DSCAM: variants seen among roughly 807,000 people sequenced by gnomAD.
DSCAM encodes the protein cell adhesion molecule DSCAM.
A neutral mutation model predicts 217.7 loss-of-function variants in DSCAM; 47 were observed. The observed-to-expected ratio is 0.22, with a 90% confidence interval of 0.17 to 0.28. The LOEUF (loss-of-function observed/expected upper bound fraction) is 0.28. DSCAM is among the 10% of genes least tolerant of loss of function. The pLI, the probability that DSCAM is intolerant of heterozygous loss-of-function variation, is 1.00. For synonymous variants in DSCAM, 1,056 were observed against 1,015.3 expected (o/e 1.04, Z -0.76); for missense variants, 2,080 against 2,618.3 (o/e 0.79, Z 4.49).
At chr21:40,237,718 G>T (rs1177217441) in intron 11 of DSCAM, among the ~76,000 whole-genome samples, 1 of 152,114 alleles carries the variant, frequency 6.6e-6, no homozygotes, top group Non-Finnish European at 1.5e-5. Flanking sequence ...ATAATCCTTT[G>T]GGTATGTACC....
chr21:40,689,685 T>C (rs1373143931), intron 3 of DSCAM, among the ~76,000 whole-genome samples: 2 of 152,174 alleles, frequency 1.3e-5, no homozygotes, highest in African/African-American at 4.8e-5. Context: ...CCCAGCCAGA[T>C]CCCAGCAGGC....
intron 5 of DSCAM, among the ~76,000 whole-genome samples, chr21:40,349,136 C>CAGAAAAAAAAAAAAAAAAAAAA (rs2074600355): frequency 2.6e-5 from 1 of 38,720 alleles, no homozygotes; most frequent in Non-Finnish European, 4.8e-5. Flanking sequence ...GACTCCATCT[C>CAGAAAAAAAAAAAAAAAAAAAA]AAAAAAAAAA....
At chr21:40,689,501 T>A (rs1004162109) in intron 3 of DSCAM, among the ~76,000 whole-genome samples, 1 of 152,246 alleles carries the variant, frequency 6.6e-6, no homozygotes, top group Non-Finnish European at 1.5e-5. Flanking sequence ...CTCTCAGCTA[T>A]CCTAGGTCAA....
intron 32 of DSCAM, among the ~76,000 whole-genome samples, chr21:40,025,813 A>C (rs920614627): frequency 1.3e-5 from 2 of 150,664 alleles, no homozygotes; most frequent in African/African-American, 4.9e-5. Flanking sequence ...TGATCCTTTC[A>C]AAAAACCAGC....
At position 40,321,589 on chromosome 21, in the gene DSCAM, C is replaced by T. The variant is rs146983849; in HGVS notation, c.1784-9230G>A. Among the ~76,000 whole-genome samples the T allele has an allele frequency of 2.4e-3, 358 of 148,974 alleles. 2 individuals carry two copies. Among genetic ancestry groups the T allele is most frequent in the South Asian group, 0.015 (72 of 4,682 alleles). ...TACTATCACCTTTTTAATTACAACTCTTTCAATTGTGTCCTAACTGGTCAT... is the reference window on the plus strand; with the variant it reads ...TACTATCACCTTTTTAATTACAACTTTTTCAATTGTGTCCTAACTGGTCAT... On this transcript the variant is annotated intron_variant, in intron 8 of 32. Transcript: ENST00000400454.
At chr21:40,315,722 G>T (rs1445105881) in intron 8 of DSCAM, among the ~76,000 whole-genome samples, 1 of 152,172 alleles carries the variant, frequency 6.6e-6, no homozygotes, top group East Asian at 1.9e-4. Context: ...AAAAACCAGT[G>T]TCAGAAAGCT....
intron 3 of DSCAM, among the ~76,000 whole-genome samples, chr21:40,407,988 C>T (rs1226542645): frequency 6.6e-6 from 1 of 152,142 alleles, no homozygotes; most frequent in Non-Finnish European, 1.5e-5. Flanking sequence ...AGGAACTTAG[C>T]TCTTTATAAG....
chr21:40,633,947 G>T (rs2089723789), intron 3 of DSCAM, among the ~76,000 whole-genome samples: 1 of 152,160 alleles, frequency 6.6e-6, no homozygotes, highest in Non-Finnish European at 1.5e-5. Flanking sequence ...GCTGTATAAG[G>T]TGGTCTTCTC....
intron 3 of DSCAM, among the ~76,000 whole-genome samples, chr21:40,510,123 C>G (rs962317780): frequency 6.6e-6 from 1 of 151,890 alleles, no homozygotes; most frequent in African/African-American, 2.4e-5. Flanking sequence ...GACTCCATCT[C>G]ATAAAAAAAG....
At chr21:40,417,656 C>T (rs1394470077) in intron 3 of DSCAM, among the ~76,000 whole-genome samples, 1 of 151,792 alleles carries the variant, frequency 6.6e-6, no homozygotes, top group Admixed American at 6.6e-5. Context: ...TAATAACCAC[C>T]CAGATATTTC....
intron 11 of DSCAM, among the ~76,000 whole-genome samples, chr21:40,224,903 T>C (rs909771295): frequency 2.0e-5 from 3 of 152,220 alleles, no homozygotes; most frequent in African/African-American, 7.2e-5. Context: ...TAAATTGAAT[T>C]GTCGGTCACC....
At chr21:40,784,610 C>T (rs993041233) in intron 1 of DSCAM, among the ~76,000 whole-genome samples, 2 of 152,150 alleles carry the variant, frequency 1.3e-5, no homozygotes, top group African/African-American at 4.8e-5. Flanking sequence ...TGTTGATATC[C>T]TAACCCCCAA....
intron 11 of DSCAM, among the ~76,000 whole-genome samples, chr21:40,259,927 C>G (rs909387240): frequency 1.3e-5 from 2 of 151,952 alleles, no homozygotes; most frequent in African/African-American, 4.8e-5. Flanking sequence ...CGGGATTTCA[C>G]TGTGTTAGCC....
At chr21:40,547,954 G>A (rs780145179) in intron 3 of DSCAM, among the ~76,000 whole-genome samples, 1 of 152,154 alleles carries the variant, frequency 6.6e-6, no homozygotes, top group Non-Finnish European at 1.5e-5. Flanking sequence ...GGGATTCCTC[G>A]CGTGGCATCA....
At chr21:40,251,884 C>T (rs890677963) in intron 11 of DSCAM, among the ~76,000 whole-genome samples, 2 of 152,066 alleles carry the variant, frequency 1.3e-5, no homozygotes, top group African/African-American at 2.4e-5. Flanking sequence ...AACAAACAAA[C>T]GACACTTGCA....
chr21:40,787,718 G>A (rs536365830), intron 1 of DSCAM, among the ~76,000 whole-genome samples: 1 of 152,196 alleles, frequency 6.6e-6, no homozygotes, highest in South Asian at 2.1e-4. Context: ...TATACTCTTA[G>A]TAAAGGCAAC....
chr21:40,569,738 G>T (rs2837712), intron 3 of DSCAM, among the ~76,000 whole-genome samples: 121 of 152,048 alleles, frequency 8.0e-4, no homozygotes, highest in Middle Eastern at 3.4e-3. Context: ...AGACCTTTCA[G>T]GAGCTTCAAT....
At position 40,266,649 on chromosome 21, in the gene DSCAM, A is replaced by ATATATATATTTT. The variant is rs1555896577; in HGVS notation, c.2356+9447_2356+9448insAAAATATATATA. Among the ~76,000 whole-genome samples, 338 of 122,774 alleles carry ATATATATATTTT rather than the reference A, an allele frequency of 2.8e-3. 11 individuals carry two copies. The East Asian group carries it at 0.063, about 23-fold the overall frequency. The allele number at this position is 122,774 out of a possible 152,430, so 80.5% of individuals were successfully genotyped here. A position where few individuals can be genotyped will look rare whatever the true frequency, so the allele number is the denominator to read the frequency against. On this transcript the variant is annotated intron_variant, in intron 11 of 32. Transcript: ENST00000400454. ...ACAAAGATGTTTTATATATATATAT[A>ATATATATATTTT]TATATATATATATATATATATAATC...
intron 10 of DSCAM, among the ~76,000 whole-genome samples, chr21:40,289,203 G>A: frequency 6.6e-6 from 1 of 152,124 alleles, no homozygotes; most frequent in East Asian, 1.9e-4. Flanking sequence ...TGGGTAAATG[G>A]GCAACCAACA....
Sources: allele counts gnomAD v4.1 joint callset (sites outside exome capture counted in the v4.1 genomes callset), GRCh38; gene constraint gnomAD v4.1.1; transcripts MANE v1.5; gene names NCBI Gene and HGNC (gene_info 2026-07-23, HGNC 2026-07-21).